The following SAMD5 variants were observed in gnomAD, a reference collection of about 807,000 sequenced individuals.
SAMD5 encodes the protein sterile alpha motif domain containing 5.
SAMD5 carries 13 observed loss-of-function variants against 11.3 expected under a neutral mutation model. The observed-to-expected ratio is 1.15, with a 90% CI of 0.75 to 1.83. The LOEUF (loss-of-function observed/expected upper bound fraction) is 1.83, where lower values mean the gene tolerates loss of function less well. SAMD5 is among the 40% of genes most tolerant of loss of function. The pLI, the probability that SAMD5 is intolerant of heterozygous loss-of-function variation, is 0.00. For missense variants in SAMD5, 255 were observed against 239.1 expected, an observed-to-expected ratio of 1.07 and a Z score of -0.44; for synonymous variants, 129 against 111.3, an observed-to-expected ratio of 1.16 and a Z score of -1.00.
the SAMD5 span, among the ~76,000 whole-genome samples, chr6:147,898,792 C>T: frequency 6.6e-6 from 1 of 151,976 alleles, no homozygotes; most frequent in Non-Finnish European, 1.5e-5. Flanking sequence ...TATATATATA[C>T]ACACATATAT....
chr6:147,804,526 T>C, the SAMD5 span, among the ~76,000 whole-genome samples: 9 of 152,356 alleles, frequency 5.9e-5, no homozygotes, highest in East Asian at 1.7e-3. Flanking sequence ...TAACAACTGC[T>C]TGTTTAATAA....
intron 1 of SAMD5, among the ~76,000 whole-genome samples, chr6:147,601,501 C>CAT (rs199572388): frequency 0.011 from 1,684 of 152,056 alleles, 38 homozygotes; most frequent in African/African-American, 0.039. Flanking sequence ...AAATTGTACA[C>CAT]GTCAGTTTAA....
At chr6:147,622,570 C>T (rs981071299) in intron 1 of SAMD5, among the ~76,000 whole-genome samples, 3 of 152,126 alleles carry the variant, frequency 2.0e-5, no homozygotes, top group Admixed American at 6.5e-5. Context: ...AGCTGGGGCT[C>T]AGGAAGGGAT....
chr6:147,699,525 G>A (rs991050797), intron 1 of SAMD5, among the ~76,000 whole-genome samples: 1 of 152,114 alleles, frequency 6.6e-6, no homozygotes, highest in Non-Finnish European at 1.5e-5. Context: ...TAAACAGCTG[G>A]GGGTGAGAGA....
intron 1 of SAMD5, among the ~76,000 whole-genome samples, chr6:147,588,450 C>T (rs562532417): frequency 1.2e-4 from 18 of 151,170 alleles, no homozygotes; most frequent in Admixed American, 7.9e-4. Flanking sequence ...AGTAGTAGTC[C>T]CAATTAGGGA....
At chr6:147,838,438 G>T in the SAMD5 span, among the ~76,000 whole-genome samples, 1 of 151,138 alleles carries the variant, frequency 6.6e-6, no homozygotes, top group African/African-American at 2.4e-5. Flanking sequence ...TAATAATACT[G>T]TTTAATGGTG....
chr6:147,560,459 A>C (rs539092125), intron 1 of SAMD5, among the ~76,000 whole-genome samples: 1 of 152,344 alleles, frequency 6.6e-6, no homozygotes, highest in South Asian at 2.1e-4. Context: ...ATTTCATACT[A>C]TTAATATACA....
rs569386506 is a variant in SAMD5, at chr6:147,684,005, G to A, written c.163-53312G>A. 6.4e-4 allele frequency among the ~76,000 whole-genome samples: 98 copies of A among 152,140 alleles called. No homozygotes were observed. In the Middle Eastern group the frequency reaches 0.01, roughly 16 times the overall value. On this transcript the variant is annotated intron_variant, in intron 1 of 1. Transcript: ENST00000566741. ...CATTCAGAAATACCACACAAATCAT[G>A]AACATACATCTTGATCAGTTATCAC... is the stretch of plus-strand genomic sequence containing the variant.
the SAMD5 span, among the ~76,000 whole-genome samples, chr6:147,821,905 T>A: frequency 0.089 from 13,508 of 152,180 alleles, 967 homozygotes; most frequent in African/African-American, 0.2. Context: ...TATCTTTATA[T>A]CCCTAGAGCC....
At chr6:147,737,671 G>GTTTT (rs1791823302), downstream of SAMD5, 1 of 114,328 alleles carries the variant, frequency 8.7e-6, no homozygotes, top group Non-Finnish European at 1.8e-5. Flanking sequence ...AAGATTGAGG[G>GTTTT]CTTTTTTTTT....
intron 1 of SAMD5, among the ~76,000 whole-genome samples, chr6:147,591,426 C>T (rs1195784138): frequency 6.6e-6 from 1 of 152,150 alleles, no homozygotes. Flanking sequence ...AGAGGGTCAC[C>T]GCACTCGGGA....
the SAMD5 span, among the ~76,000 whole-genome samples, chr6:147,938,722 C>A: frequency 2.0e-5 from 3 of 152,218 alleles, no homozygotes; most frequent in Non-Finnish European, 1.5e-5. Flanking sequence ...AAATAAAGTG[C>A]TAGCGTATCA....
At chr6:147,890,600 C>G in the SAMD5 span, among the ~76,000 whole-genome samples, 1 of 152,098 alleles carries the variant, frequency 6.6e-6, no homozygotes, top group Non-Finnish European at 1.5e-5. Flanking sequence ...CTCAGGTGAT[C>G]CACCCAACTT....
At chr6:147,869,843 G>A in the SAMD5 span, among the ~76,000 whole-genome samples, 9,593 of 151,938 alleles carry the variant, frequency 0.063, 412 homozygotes, top group Middle Eastern at 0.1. Flanking sequence ...GACCACAGGT[G>A]CTCACCACTA....
At chr6:147,735,217 C>G (rs950772342) in intron 1 of SAMD5, among the ~76,000 whole-genome samples, 2 of 152,116 alleles carry the variant, frequency 1.3e-5, no homozygotes, top group Non-Finnish European at 2.9e-5. Context: ...TGGATGATGG[C>G]CTGTCTCTAT....
chr6:147,948,579 C>A, the SAMD5 span, among the ~76,000 whole-genome samples: 13 of 152,116 alleles, frequency 8.5e-5, no homozygotes, highest in Non-Finnish European at 1.6e-4. Context: ...CTCTCCTTCA[C>A]GTTCATCATC....
At chr6:147,775,615 C>G in the SAMD5 span, among the ~76,000 whole-genome samples, 1 of 152,162 alleles carries the variant, frequency 6.6e-6, no homozygotes, top group African/African-American at 2.4e-5. Context: ...CTCTTTTACT[C>G]CTTTTATGTA....
chr6:147,570,079 T>C, downstream of SAMD5: 1 of 899,148 alleles, frequency 1.1e-6, no homozygotes, highest in African/African-American at 1.8e-5. Context: ...ATGGAGTTTG[T>C]GCATTGTTTA....
At chr6:147,725,768 T>C (rs1791617486) in intron 1 of SAMD5, among the ~76,000 whole-genome samples, 1 of 152,124 alleles carries the variant, frequency 6.6e-6, no homozygotes, top group African/African-American at 2.4e-5. Flanking sequence ...GAATATTATG[T>C]TGAAGTGAGT....
Sources: gnomAD v4.1 joint callset for allele counts (sites outside exome capture counted in the v4.1 genomes callset) on GRCh38, gnomAD v4.1.1 for gene constraint, MANE v1.5 for transcripts, NCBI Gene and HGNC (gene_info 2026-07-23, HGNC 2026-07-21) for gene names.